The following RIMS2 variants were observed in gnomAD, a reference collection of about 807,000 sequenced individuals.
RIMS2 encodes the protein regulating synaptic membrane exocytosis protein 2.
Under a neutral mutation model 174.4 loss-of-function variants are expected in RIMS2, and 59 were observed. That is an observed-to-expected ratio of 0.34 (90% CI 0.27 to 0.42). The LOEUF is 0.42. RIMS2 is among the 10% of genes least tolerant of loss of function. RIMS2 has a pLI of 1.00. For synonymous variants in RIMS2, 606 were observed against 572.5 expected, an observed-to-expected ratio of 1.06 and a Z score of -0.84; for missense variants, 1,620 against 1,666.3, an observed-to-expected ratio of 0.97 and a Z score of 0.48.
chr8:104,025,228 C>T (rs1409948540), intron 19 of RIMS2, among the ~76,000 whole-genome samples: 4 of 152,112 alleles, frequency 2.6e-5, no homozygotes, highest in Non-Finnish European at 5.9e-5. Context: ...TGCAGTGGCT[C>T]ACAGCTGTAA....
At chr8:103,573,656 A>G (rs10112996) in intron 1 of RIMS2, among the ~76,000 whole-genome samples, 27,816 of 151,860 alleles carry the variant, frequency 0.18, 2,793 homozygotes, top group African/African-American at 0.26. Context: ...GATACCTCCC[A>G]CTTTGTTCTT....
At chr8:104,151,536 C>T (rs1802754219) in intron 19 of RIMS2, among the ~76,000 whole-genome samples, 1 of 151,934 alleles carries the variant, frequency 6.6e-6, no homozygotes, top group Non-Finnish European at 1.5e-5. Context: ...CTGCTGCCCT[C>T]CAGCCTGGGT....
chr8:104,162,979 T>C (rs2098772812), intron 19 of RIMS2, among the ~76,000 whole-genome samples: 1 of 152,174 alleles, frequency 6.6e-6, no homozygotes, highest in Middle Eastern at 3.2e-3. Flanking sequence ...CCGTGTTACC[T>C]ACTAGAAAGA....
At chr8:103,852,613 G>C (rs548055238) in intron 3 of RIMS2, among the ~76,000 whole-genome samples, 2 of 151,610 alleles carry the variant, frequency 1.3e-5, no homozygotes, top group Admixed American at 1.3e-4. Flanking sequence ...TATGTCCATG[G>C]GTGTTCAATA....
intron 16 of RIMS2, among the ~76,000 whole-genome samples, chr8:103,978,709 G>T (rs138301049): frequency 6.6e-6 from 1 of 152,330 alleles, no homozygotes; most frequent in African/African-American, 2.4e-5. Flanking sequence ...AGCAACAACT[G>T]ACAGGGTTAT....
At chr8:103,553,747 C>A (rs1849120614) in intron 1 of RIMS2, among the ~76,000 whole-genome samples, 1 of 149,740 alleles carries the variant, frequency 6.7e-6, no homozygotes, top group African/African-American at 2.4e-5. Context: ...ATAGCCAAGG[C>A]AATCCTAAGT....
exon 18 of RIMS2, chr8:104,013,561 T>C: frequency 6.2e-7 from 1 of 1,613,180 alleles, no homozygotes; most frequent in Non-Finnish European, 8.5e-7. Context: ...ACAAACCTCA[T>C]GAGGTCGATG....
chr8:103,607,556 A>G (rs2095169437), intron 1 of RIMS2, among the ~76,000 whole-genome samples: 1 of 148,156 alleles, frequency 6.7e-6, no homozygotes. Flanking sequence ...CTGCCTTGCT[A>G]GATCGGGGAA....
chr8:103,832,866 T>G (rs2098834554), intron 3 of RIMS2, among the ~76,000 whole-genome samples: 2 of 152,348 alleles, frequency 1.3e-5, no homozygotes, highest in South Asian at 4.1e-4. Flanking sequence ...AAATTTTATG[T>G]GAAATGCTTT....
intron 2 of RIMS2, among the ~76,000 whole-genome samples, chr8:103,743,000 T>C (rs926613405): frequency 6.6e-6 from 1 of 152,184 alleles, no homozygotes; most frequent in Non-Finnish European, 1.5e-5. Context: ...CTGATCTACA[T>C]TATTAGCAAT....
chr8:103,984,654 A>T (rs2094201870), intron 16 of RIMS2, among the ~76,000 whole-genome samples: 1 of 152,224 alleles, frequency 6.6e-6, no homozygotes, highest in Non-Finnish European at 1.5e-5. Flanking sequence ...TTCCTCAAAA[A>T]ACTAAAAATA....
At chr8:103,581,403 A>G (rs572617755) in intron 1 of RIMS2, among the ~76,000 whole-genome samples, 2 of 152,344 alleles carry the variant, frequency 1.3e-5, no homozygotes, top group South Asian at 2.1e-4. Flanking sequence ...ATGCTGAAAA[A>G]GTATTCAATG....
At chr8:103,501,930 G>A (rs1820313354) in intron 1 of RIMS2, among the ~76,000 whole-genome samples, 1 of 152,190 alleles carries the variant, frequency 6.6e-6, no homozygotes, top group Non-Finnish European at 1.5e-5. Flanking sequence ...TCCAGACAGG[G>A]TTATCTTTAG....
chr8:103,905,775 C>CTTTTTTTTTTTTT (rs60157494), intron 4 of RIMS2, among the ~76,000 whole-genome samples: 7 of 122,048 alleles, frequency 5.7e-5, no homozygotes, highest in African/African-American at 1.2e-4. Context: ...ATTTTCTTTT[C>CTTTTTTTTTTTTT]TTTTTTTTTT....
At chr8:103,818,639 G>A (rs918946677) in intron 3 of RIMS2, among the ~76,000 whole-genome samples, 4 of 152,080 alleles carry the variant, frequency 2.6e-5, no homozygotes, top group African/African-American at 4.8e-5. Context: ...TTAATGTGTG[G>A]TGTTTAGGTG....
chr8:103,644,703 G>A (rs1426287), intron 1 of RIMS2, among the ~76,000 whole-genome samples: 149,629 of 150,600 alleles, frequency 0.99, 74,331 homozygotes, highest in East Asian at 1. Context: ...AATATAAAAT[G>A]TAAATATTTT....
In RIMS2 at chr8:103,843,576, C is replaced by CT. The variant is rs1462291612; in HGVS notation, c.699-41719dup. Reference sequence around the variant, plus strand: ...CCTCTTATCCCTAGGCATATATAATCTTTGAATTAGTAGTTTTCTTCAAAG... The same window carrying CT: ...CCTCTTATCCCTAGGCATATATAATCTTTTGAATTAGTAGTTTTCTTCAAAG... On this transcript the variant is annotated intron_variant, in intron 3 of 23. Transcript: ENST00000504942. Among the ~76,000 whole-genome samples, 3 of 152,122 alleles carry CT rather than the reference C, an allele frequency of 2.0e-5. No individual in the cohort carries two copies. The East Asian group carries it at 5.8e-4, about 29-fold the overall frequency.
intron 14 of RIMS2, among the ~76,000 whole-genome samples, chr8:103,949,671 T>A (rs2023030): frequency 1.3e-5 from 2 of 151,928 alleles, no homozygotes; most frequent in Non-Finnish European, 2.9e-5. Flanking sequence ...CATTAAAGAC[T>A]TATATTATTA....
chr8:103,770,373 C>G (rs1179099106), intron 3 of RIMS2, among the ~76,000 whole-genome samples: 1 of 152,094 alleles, frequency 6.6e-6, no homozygotes, highest in African/African-American at 2.4e-5. Flanking sequence ...GTCAGGAGTT[C>G]AAGACCAGCA....
Sources: gnomAD v4.1 joint callset for allele counts (sites outside exome capture counted in the v4.1 genomes callset) on GRCh38, gnomAD v4.1.1 for gene constraint, MANE v1.5 for transcripts, NCBI Gene and HGNC (gene_info 2026-07-23, HGNC 2026-07-21) for gene names.